Variants in GABRP observed in about 807,000 individuals in gnomAD.
GABRP encodes gamma-aminobutyric acid type A receptor subunit pi.
In GABRP, 52 loss-of-function variants were observed where a neutral mutation model predicts 47.8. That is an observed-to-expected ratio of 1.09 (90% CI 0.87 to 1.37). The LOEUF is 1.37. Among genes scored for constraint, GABRP ranks in the 40% most tolerant of loss-of-function variants. The pLI is 0.00. For synonymous variants in GABRP, 221 were observed against 205.8 expected, an observed-to-expected ratio of 1.07 and a Z score of -0.63; for missense variants, 525 against 542.8, an observed-to-expected ratio of 0.97 and a Z score of 0.33.
chr5:170,784,590 T>C (rs1765081050), intron 1 of GABRP, among the ~76,000 whole-genome samples: 1 of 152,154 alleles, frequency 6.6e-6, no homozygotes, highest in Non-Finnish European at 1.5e-5. Context: ...TGGTGCCAGT[T>C]AGCTCACACT....
rs184050479 is a variant in GABRP at position 170,801,209 on chromosome 5, C to T, written c.541+3661C>T. Among the ~76,000 whole-genome samples, 17 of 152,320 alleles carry T rather than the reference C, an allele frequency of 1.1e-4. 2 individuals are homozygous for T. The highest frequency in any genetic ancestry group is 7.2e-4 in the Admixed American group (11 of 15,308). On this transcript the variant is annotated intron_variant, in intron 6 of 9. Coordinates refer to ENST00000265294, the MANE Select transcript of GABRP (RefSeq NM_014211.3). ...GCCCCAAGGTCCCAAGTTCCCTGAA[C>T]TCTAATAGCCCTTCCACTGGGCTGG...
intron 3 of GABRP, among the ~76,000 whole-genome samples, chr5:170,791,197 G>A (rs1312237741): frequency 6.6e-6 from 1 of 152,214 alleles, no homozygotes; most frequent in Non-Finnish European, 1.5e-5. Flanking sequence ...GGGAGCCTGG[G>A]GTAGGCCTAA....
intron 6 of GABRP, among the ~76,000 whole-genome samples, chr5:170,800,052 G>A (rs1388598961): frequency 6.6e-6 from 1 of 152,132 alleles, no homozygotes; most frequent in Non-Finnish European, 1.5e-5. Flanking sequence ...TAAGCCAAAA[G>A]AACAAAGCTG....
chr5:170,796,793 A>G (rs898465684), intron 5 of GABRP, among the ~76,000 whole-genome samples: 1 of 152,210 alleles, frequency 6.6e-6, no homozygotes, highest in African/African-American at 2.4e-5. Flanking sequence ...ATTTCCCCCA[A>G]GTACCTAGCA....
intron 1 of GABRP, among the ~76,000 whole-genome samples, chr5:170,787,091 G>A (rs372960790): frequency 2.2e-4 from 34 of 152,192 alleles, no homozygotes; most frequent in African/African-American, 7.5e-4. Context: ...TCAACATCCC[G>A]CATCAGAGGG....
chr5:170,792,442 CA>C (rs61664116), intron 3 of GABRP, among the ~76,000 whole-genome samples: 4 of 137,134 alleles, frequency 2.9e-5, no homozygotes, highest in Non-Finnish European at 5.0e-5. Context: ...GACTCCATCT[CA>C]AAAAAAAAAA....
Position 170,813,991 on chromosome 5 carries a change from A to T in GABRP, c.*1733A>T, listed in dbSNP as rs1302362970. The T allele has an allele frequency of 6.6e-6, 1 of 152,182 alleles. No homozygotes were observed. The highest frequency in any genetic ancestry group is 1.5e-5 in the Non-Finnish European group (1 of 68,036). 9.4% of individuals were successfully genotyped at this position (152,182 alleles called of 1,614,324 possible). On this transcript the variant is annotated 3_prime_UTR_variant, in exon 10 of 10. Coordinates refer to ENST00000265294, the MANE Select transcript of GABRP (RefSeq NM_014211.3). ...ACTTAAGCATTGTTTTTATATAAAA[A>T]CAATGATAAAGATGTGAAACTGTGA...
chr5:170,812,133 G>T lies in GABRP; in HGVS notation c.1198G>T (p.Gly400Cys). Residue 400 changes from glycine (G) to cysteine (C), a missense_variant, in exon 10 of 10, where the codon GGC becomes TGC. Transcript: ENST00000265294. ...KFKFVFREKM[G>C]RIVDYFTIQN... ...CAAGTTTGTCTTCCGAGAAAAGATG[G>T]GCAGGATTGTTGATTATTTCACAAT... 1 of 1,614,060 alleles carries T rather than the reference G, an allele frequency of 6.2e-7. No individual in the cohort carries two copies. The highest frequency in any genetic ancestry group is 8.5e-7 in the Non-Finnish European group (1 of 1,180,010).
chr5:170,800,381 TA>T (rs1266510902), intron 6 of GABRP, among the ~76,000 whole-genome samples: 1 of 152,142 alleles, frequency 6.6e-6, no homozygotes, highest in Non-Finnish European at 1.5e-5. Flanking sequence ...CCTAAAACCA[TA>T]AAAACCCTAG....
intron 6 of GABRP, 74 bp from the exon 7 acceptor site, chr5:170,805,642 A>G (rs1581604818): frequency 2.6e-6 from 4 of 1,518,878 alleles, no homozygotes; most frequent in South Asian, 2.4e-5. Flanking sequence ...TCTCCATATT[A>G]TAGCATTTTC....
In GABRP at chr5:170,788,559, C is replaced by T; in HGVS notation, c.-42-15C>T. ...GTTGCACGGCCTTCCACTTACCTTGCCCCCTGTTTCCCAGGTGATTCCTAC... is the reference window on the plus strand; with the variant it reads ...GTTGCACGGCCTTCCACTTACCTTGTCCCCTGTTTCCCAGGTGATTCCTAC... On this transcript the variant is annotated splice_polypyrimidine_tract_variant and intron_variant, in intron 1 of 9. Coordinates refer to ENST00000265294, the MANE Select transcript of GABRP (RefSeq NM_014211.3). 1 of 1,575,168 alleles carries T rather than the reference C, an allele frequency of 6.3e-7. No homozygotes were observed. The highest frequency in any genetic ancestry group is 8.7e-7 in the Non-Finnish European group (1 of 1,145,404).
rs908883646 is a variant in GABRP at position 170,789,573 on chromosome 5, C to A, written c.172+326C>A. Among the ~76,000 whole-genome samples, 7 of 152,304 alleles carry A rather than the reference C, an allele frequency of 4.6e-5. No individual in the cohort carries two copies. In the South Asian group the frequency reaches 1.2e-3, roughly 27 times the overall value. On this transcript the variant is annotated intron_variant, in intron 3 of 9. Transcript: ENST00000265294. Reference sequence around the variant, plus strand: ...TTCACCATGCGCCACCAGGCTACCCCATCTGGTCTTCCCCCTCCAGCCTGA... The same window carrying A: ...TTCACCATGCGCCACCAGGCTACCCAATCTGGTCTTCCCCCTCCAGCCTGA...
intron 6 of GABRP, among the ~76,000 whole-genome samples, chr5:170,804,745 C>T (rs907467174): frequency 1.3e-5 from 2 of 151,900 alleles, no homozygotes; most frequent in Non-Finnish European, 2.9e-5. Context: ...TTATTATCAT[C>T]GTCACTCATA....
chr5:170,786,823 C>A (rs937126048), intron 1 of GABRP, among the ~76,000 whole-genome samples: 3 of 151,976 alleles, frequency 2.0e-5, no homozygotes, highest in African/African-American at 7.3e-5. Flanking sequence ...AAAAGTAAGC[C>A]GCAAAAAGCA....
At chr5:170,810,353 A>G (rs1765850071) in intron 9 of GABRP, among the ~76,000 whole-genome samples, 1 of 152,168 alleles carries the variant, frequency 6.6e-6, no homozygotes, top group African/African-American at 2.4e-5. Flanking sequence ...TGCAAATACT[A>G]TATTATTTTA....
chr5:170,804,012 C>T (rs1383668412), intron 6 of GABRP, among the ~76,000 whole-genome samples: 2 of 152,170 alleles, frequency 1.3e-5, no homozygotes, highest in African/African-American at 2.4e-5. Context: ...AGGTGATCCA[C>T]CTGCCTCAGC....
chr5:170,803,541 G>GATTTTTAGTAC (rs879680139), intron 6 of GABRP, among the ~76,000 whole-genome samples: 1 of 152,086 alleles, frequency 6.6e-6, no homozygotes, highest in African/African-American at 2.4e-5. Context: ...ACAGTTCAAA[G>GATTTTTAGTAC]ATTTTTAGTA....
At chr5:170,809,918 G>A (rs1765838147) in intron 9 of GABRP, 163 bp downstream of exon 9, 3 of 725,176 alleles carry the variant, frequency 4.1e-6, no homozygotes, top group Middle Eastern at 2.3e-4. Context: ...AAGTCATGGT[G>A]CCCCTTGAAA....
chr5:170,804,780 G>T (rs1273285761), intron 6 of GABRP, among the ~76,000 whole-genome samples: 2 of 151,832 alleles, frequency 1.3e-5, no homozygotes, highest in Non-Finnish European at 2.9e-5. Flanking sequence ...ACTTTCCTAA[G>T]GTAACTTTGT....
Sources: gnomAD v4.1 joint callset for allele counts (sites outside exome capture counted in the v4.1 genomes callset) on GRCh38, gnomAD v4.1.1 for gene constraint, MANE v1.5 for transcripts, NCBI Gene and HGNC (gene_info 2026-07-23, HGNC 2026-07-21) for gene names.